VANGL1: variants seen among roughly 807,000 people sequenced by gnomAD.
The protein encoded by VANGL1 is vang-like protein 1.
VANGL1 carries 18 observed loss-of-function variants against 48.4 expected under a neutral mutation model. The ratio of observed to expected loss-of-function variants is 0.37; its 90% CI spans 0.26 to 0.55. VANGL1 has a LOEUF of 0.55. Among genes scored for constraint, VANGL1 ranks in the 20% least tolerant of loss-of-function variants. The probability of loss-of-function intolerance (pLI) is 0.81; values close to 1 mark genes in which losing one functional copy is unlikely to be tolerated. For missense variants in VANGL1, 667 were observed against 675.8 expected, an observed-to-expected ratio of 0.99 and a Z score of 0.14; for synonymous variants, 257 against 261.8, an observed-to-expected ratio of 0.98 and a Z score of 0.18.
chr1:115,672,071 C>T (rs768025112), intron 4 of VANGL1, among the ~76,000 whole-genome samples: 1 of 152,226 alleles, frequency 6.6e-6, no homozygotes, highest in Non-Finnish European at 1.5e-5. Flanking sequence ...TCACAAACTC[C>T]TCCCAGTGTT....
intron 2 of VANGL1, among the ~76,000 whole-genome samples, chr1:115,657,744 A>C (rs1324158974): frequency 2.0e-5 from 3 of 152,208 alleles, no homozygotes; most frequent in Non-Finnish European, 2.9e-5. Flanking sequence ...TGACACCTTC[A>C]TAAAGAAATG....
At position 115,663,664 on chromosome 1, in the gene VANGL1, G is replaced by A. The variant is rs1172717509; in HGVS notation, c.208G>A (p.Asp70Asn). ...CTCACTGTCTTCTCCCCACCAGGAT[G>A]ACAACTGGGGAGAGACCACCACGGC... ...DSTRTEEVQD[D>N]NWGETTTAIT... The change falls in exon 4 of 8, where the codon GAC (aspartate) becomes AAC (asparagine). Residue 70 changes from aspartate to asparagine, a missense_variant. Transcript: ENST00000355485. 1.2e-6 allele frequency: 2 copies of A among 1,614,140 alleles called. No homozygotes were observed.
In VANGL1 at chr1:115,656,997, AG is replaced by A. The variant is rs538609173; in HGVS notation, c.72-2640del. Among the ~76,000 whole-genome samples, 343 of 152,296 alleles carry A rather than the reference AG, an allele frequency of 2.3e-3. 3 individuals are homozygous for A. Among genetic ancestry groups the A allele is most frequent in the African/African-American group, 8.0e-3 (331 of 41,558 alleles). Reference sequence around the variant, plus strand: ...AAATGGAAACGGATTAAGATAGAAGAGGGGCATTGTCCATCTGGCCGATGGC... The same window carrying A: ...AAATGGAAACGGATTAAGATAGAAGAGGGCATTGTCCATCTGGCCGATGGC... On this transcript the variant is annotated intron_variant, in intron 2 of 7. Transcript: ENST00000355485.
intron 1 of VANGL1, among the ~76,000 whole-genome samples, chr1:115,650,106 G>C (rs1398295889): frequency 1.3e-5 from 2 of 152,288 alleles, no homozygotes; most frequent in South Asian, 2.1e-4. Flanking sequence ...GTGGTGTATG[G>C]CAATTTGTGC....
intron 4 of VANGL1, among the ~76,000 whole-genome samples, chr1:115,672,432 G>A (rs1570759169): frequency 6.6e-6 from 1 of 152,272 alleles, no homozygotes; most frequent in African/African-American, 2.4e-5. Context: ...AGTGAATCCA[G>A]GTGGCCCGAG....
chr1:115,670,324 C>T (rs903946907), intron 4 of VANGL1, among the ~76,000 whole-genome samples: 2 of 152,224 alleles, frequency 1.3e-5, no homozygotes, highest in African/African-American at 4.8e-5. Flanking sequence ...AGGAATATTA[C>T]ATACACTGGA....
chr1:115,661,772 C>A (rs868417674), intron 3 of VANGL1, among the ~76,000 whole-genome samples: 1 of 152,114 alleles, frequency 6.6e-6, no homozygotes, highest in Non-Finnish European at 1.5e-5. Context: ...CACGCACCAC[C>A]ACGCCCAGCT....
At chr1:115,648,760 G>T (rs1652032181) in intron 1 of VANGL1, among the ~76,000 whole-genome samples, 1 of 152,190 alleles carries the variant, frequency 6.6e-6, no homozygotes, top group South Asian at 2.1e-4. Flanking sequence ...CACCAAGCTG[G>T]ATCTGCCCAC....
chr1:115,672,013 G>A (rs1652993532), intron 4 of VANGL1, among the ~76,000 whole-genome samples: 2 of 152,206 alleles, frequency 1.3e-5, no homozygotes, highest in Non-Finnish European at 2.9e-5. Context: ...TAGTTGCTGA[G>A]ACCAGAAGAT....
At chr1:115,657,882 A>G (rs112910210) in intron 2 of VANGL1, among the ~76,000 whole-genome samples, 4,477 of 152,228 alleles carry the variant, frequency 0.029, 214 homozygotes, top group African/African-American at 0.1. Flanking sequence ...GGCACATCAC[A>G]TGGTGAAAGC....
chr1:115,685,154 C>A, intron 6 of VANGL1, 139 bp from the exon 7 acceptor site: 1 of 866,506 alleles, frequency 1.2e-6, no homozygotes, highest in Non-Finnish European at 1.9e-6. Context: ...CTCTGAGGGA[C>A]AGCTAAGGAT....
At chr1:115,686,304 A>G (rs968741868) in intron 7 of VANGL1, among the ~76,000 whole-genome samples, 2 of 149,904 alleles carry the variant, frequency 1.3e-5, no homozygotes, top group African/African-American at 4.9e-5. Context: ...CCCAGGAGGC[A>G]GAGCTTGCAG....
At chr1:115,664,839 A>G (rs543558740) in intron 4 of VANGL1, among the ~76,000 whole-genome samples, 2 of 152,194 alleles carry the variant, frequency 1.3e-5, no homozygotes, top group South Asian at 2.1e-4. Context: ...GTTAGAAGTC[A>G]GTTGGGTTGT....
chr1:115,663,237 A>G (rs2101004252), intron 3 of VANGL1, among the ~76,000 whole-genome samples: 1 of 152,310 alleles, frequency 6.6e-6, no homozygotes, highest in East Asian at 1.9e-4. Context: ...GTAAGCCTTT[A>G]TAACCCAGCG....
chr1:115,659,885 A>G (rs921419310), intron 3 of VANGL1, 112 bp downstream of exon 3: 8 of 1,458,754 alleles, frequency 5.5e-6, no homozygotes, highest in Non-Finnish European at 5.7e-6. Context: ...TAGCATGCTA[A>G]TTAGTTTATC....
At chr1:115,666,894 C>T (rs565630705) in intron 4 of VANGL1, among the ~76,000 whole-genome samples, 20 of 152,342 alleles carry the variant, frequency 1.3e-4, no homozygotes, top group African/African-American at 1.7e-4. Flanking sequence ...CACCTTTCCT[C>T]CTGGCATTGT....
At chr1:115,654,370 T>C (rs1047970432) in intron 2 of VANGL1, among the ~76,000 whole-genome samples, 1 of 151,898 alleles carries the variant, frequency 6.6e-6, no homozygotes, top group African/African-American at 2.4e-5. Flanking sequence ...TTGCGATGCC[T>C]GCAGTCTCCA....
At chr1:115,661,660 C>A (rs1172836255) in intron 3 of VANGL1, among the ~76,000 whole-genome samples, 1 of 151,974 alleles carries the variant, frequency 6.6e-6, no homozygotes, top group Non-Finnish European at 1.5e-5. Flanking sequence ...TTCTGTCGCC[C>A]AGGCTGGAGT....
At chr1:115,653,428 A>AT (rs1054594445) in intron 2 of VANGL1, among the ~76,000 whole-genome samples, 24 of 152,304 alleles carry the variant, frequency 1.6e-4, no homozygotes, top group African/African-American at 4.1e-4. Context: ...TAAAATACCA[A>AT]TTTTGTTTAG....
Sources: allele counts gnomAD v4.1 joint callset (sites outside exome capture counted in the v4.1 genomes callset), GRCh38; gene constraint gnomAD v4.1.1; transcripts MANE v1.5; gene names NCBI Gene and HGNC (gene_info 2026-07-23, HGNC 2026-07-21).